TANC2: variants seen among roughly 807,000 people sequenced by gnomAD.
The protein encoded by TANC2 is tetratricopeptide repeat, ankyrin repeat and coiled-coil containing 2.
A neutral mutation model predicts 210.5 loss-of-function variants in TANC2; 26 were observed. That is an observed-to-expected ratio of 0.12 (90% confidence interval 0.09 to 0.17). The LOEUF (loss-of-function observed/expected upper bound fraction) is 0.17. Among genes scored for constraint, TANC2 ranks in the 10% least tolerant of loss-of-function variants. The pLI is 1.00. For missense variants in TANC2, 2,129 were observed against 2,608.9 expected (o/e 0.82, Z 4.01); for synonymous variants, 931 against 967.1 (o/e 0.96, Z 0.69).
chr17:63,007,035 G>A (rs1418150428), intron 1 of TANC2, among the ~76,000 whole-genome samples: 1 of 151,034 alleles, frequency 6.6e-6, no homozygotes, highest in Non-Finnish European at 1.5e-5. Flanking sequence ...AGACTGGCCT[G>A]GGAAACATAG....
chr17:63,208,775 G>A (rs995881617), intron 7 of TANC2, among the ~76,000 whole-genome samples: 7 of 151,788 alleles, frequency 4.6e-5, no homozygotes, highest in African/African-American at 1.5e-4. Flanking sequence ...ATTTTTATGC[G>A]TTTGTCAGTG....
intron 3 of TANC2, among the ~76,000 whole-genome samples, chr17:63,093,020 C>T (rs770353295): frequency 6.6e-6 from 1 of 152,084 alleles, no homozygotes; most frequent in Non-Finnish European, 1.5e-5. Flanking sequence ...CAAGTATTTT[C>T]TTTCAATCGG....
chr17:62,990,526 T>A (rs1295590968), intron 1 of TANC2, among the ~76,000 whole-genome samples: 1 of 151,984 alleles, frequency 6.6e-6, no homozygotes, highest in Non-Finnish European at 1.5e-5. Context: ...TCGAGTGATC[T>A]TCCCACCTTG....
At chr17:62,989,856 C>T (rs765067253) in intron 1 of TANC2, among the ~76,000 whole-genome samples, 2 of 148,650 alleles carry the variant, frequency 1.3e-5, no homozygotes, top group East Asian at 2.0e-4. Flanking sequence ...ACTGCAACCT[C>T]GTCTCCTGGG....
intron 5 of TANC2, among the ~76,000 whole-genome samples, chr17:63,173,471 A>C (rs2040478546): frequency 6.6e-6 from 1 of 152,200 alleles, no homozygotes; most frequent in Non-Finnish European, 1.5e-5. Context: ...CCAACTTAAG[A>C]CCAACTGGAG....
intron 4 of TANC2, among the ~76,000 whole-genome samples, chr17:63,134,209 G>A (rs940472266): frequency 1.3e-5 from 2 of 151,996 alleles, no homozygotes; most frequent in South Asian, 2.1e-4. Flanking sequence ...TTTTTCATCC[G>A]CTCTAGATGC....
intron 3 of TANC2, among the ~76,000 whole-genome samples, chr17:63,097,700 T>C (rs2037441379): frequency 6.6e-6 from 1 of 152,208 alleles, no homozygotes; most frequent in Admixed American, 6.5e-5. Context: ...TGTTAGACTC[T>C]ATCAGATACA....
At chr17:63,308,858 T>C (rs1261799161) in intron 9 of TANC2, among the ~76,000 whole-genome samples, 1 of 152,100 alleles carries the variant, frequency 6.6e-6, no homozygotes, top group African/African-American at 2.4e-5. Flanking sequence ...TTTTAAAAAA[T>C]AGCTAATATT....
At chr17:63,300,952 A>G (rs2044693569) in intron 9 of TANC2, among the ~76,000 whole-genome samples, 1 of 152,182 alleles carries the variant, frequency 6.6e-6, no homozygotes. Flanking sequence ...GATATGTTCC[A>G]TCAATACCTA....
intron 1 of TANC2, among the ~76,000 whole-genome samples, chr17:63,002,912 TA>T: frequency 6.6e-6 from 1 of 152,344 alleles, no homozygotes; most frequent in East Asian, 1.9e-4. Flanking sequence ...TATAGGGTAT[TA>T]TAAATCTGTT....
chr17:63,375,957 C>T (rs1318891418), intron 14 of TANC2, among the ~76,000 whole-genome samples: 1 of 151,894 alleles, frequency 6.6e-6, no homozygotes, highest in African/African-American at 2.4e-5. Flanking sequence ...GGCATGGTGG[C>T]ACATGCCTGT....
At chr17:63,199,988 C>T (rs960471614) in intron 6 of TANC2, among the ~76,000 whole-genome samples, 2 of 152,118 alleles carry the variant, frequency 1.3e-5, no homozygotes, top group Admixed American at 1.3e-4. Context: ...GCCTATGTAT[C>T]GAAAAGACAC....
rs2040438044 is a variant in TANC2, at chr17:63,172,457, C to G, written c.433+21077C>G. On this transcript the variant is annotated intron_variant, in intron 5 of 27. Transcript: ENST00000689528. ...TCAGCCTTCCAAGGTACTGGGATTACAGGTGTGAGCCACCGCCCCCGGCCA... is the reference window on the plus strand; with the variant it reads ...TCAGCCTTCCAAGGTACTGGGATTAGAGGTGTGAGCCACCGCCCCCGGCCA... 2.0e-5 allele frequency among the ~76,000 whole-genome samples: 3 copies of G among 152,182 alleles called. No individual in the cohort carries two copies. In the South Asian group the frequency reaches 6.2e-4, roughly 32 times the overall value.
At chr17:63,190,995 A>AG (rs2041166091) in intron 5 of TANC2, among the ~76,000 whole-genome samples, 1 of 152,014 alleles carries the variant, frequency 6.6e-6, no homozygotes, top group Non-Finnish European at 1.5e-5. Flanking sequence ...AATTGTAATG[A>AG]GGGGGAAAAA....
intron 9 of TANC2, among the ~76,000 whole-genome samples, chr17:63,303,728 A>G (rs1404964328): frequency 1.3e-5 from 2 of 150,928 alleles, no homozygotes; most frequent in Non-Finnish European, 2.9e-5. Context: ...TCTTTCAGGT[A>G]CTCCAGTCAA....
chr17:63,121,157 C>T (rs7216403), intron 4 of TANC2, among the ~76,000 whole-genome samples: 3,205 of 151,942 alleles, frequency 0.021, 106 homozygotes, highest in African/African-American at 0.072. Flanking sequence ...TTCTAGTCAT[C>T]CTAGCTATTT....
At chr17:63,081,729 C>T (rs968993013) in intron 3 of TANC2, among the ~76,000 whole-genome samples, 1 of 152,062 alleles carries the variant, frequency 6.6e-6, no homozygotes, top group African/African-American at 2.4e-5. Context: ...AATACGTAGC[C>T]CCAAGCACAT....
intron 8 of TANC2, among the ~76,000 whole-genome samples, chr17:63,241,556 A>G (rs781668239): frequency 6.6e-6 from 1 of 152,190 alleles, no homozygotes; most frequent in Non-Finnish European, 1.5e-5. Flanking sequence ...CTCTACCACA[A>G]CAGAGTTCAG....
chr17:63,315,763 A>G (rs747651364), intron 10 of TANC2, among the ~76,000 whole-genome samples: 2 of 152,204 alleles, frequency 1.3e-5, no homozygotes, highest in African/African-American at 2.4e-5. Flanking sequence ...TTGACTTCCT[A>G]TTGAAGCTAG....
Sources: gnomAD v4.1 joint callset for allele counts (sites outside exome capture counted in the v4.1 genomes callset) on GRCh38, gnomAD v4.1.1 for gene constraint, MANE v1.5 for transcripts, NCBI Gene and HGNC (gene_info 2026-07-23, HGNC 2026-07-21) for gene names.